Variants in ASIC5 observed in about 807,000 individuals in gnomAD.
The protein encoded by ASIC5 is acid sensing ion channel subunit family member 5, also known as bile acid-sensitive ion channel.
A neutral mutation model predicts 51.2 loss-of-function variants in ASIC5; 52 were observed. The ratio of observed to expected loss-of-function variants is 1.02; its 90% confidence interval spans 0.81 to 1.28. The LOEUF is 1.28. Ranked by LOEUF, ASIC5 falls within the 50% of genes most tolerant of loss-of-function variation. ASIC5 has a pLI of 0.00. For synonymous variants in ASIC5, 231 were observed against 200.7 expected, an observed-to-expected ratio of 1.15 and a Z score of -1.28; for missense variants, 635 against 595.0, an observed-to-expected ratio of 1.07 and a Z score of -0.70.
At chr4:155,832,782 G>GACCTCTC (rs1378926876) in intron 8 of ASIC5, among the ~76,000 whole-genome samples, 1 of 152,042 alleles carries the variant, frequency 6.6e-6, no homozygotes, top group Non-Finnish European at 1.5e-5. Context: ...GGACTCCTAT[G>GACCTCTC]ACCTCTCACC....
chr4:155,847,243 TG>T (rs1741272048), intron 4 of ASIC5, among the ~76,000 whole-genome samples: 1 of 152,134 alleles, frequency 6.6e-6, no homozygotes, highest in Non-Finnish European at 1.5e-5. Context: ...TAAAAATTTT[TG>T]TTTTCAAATT....
chr4:155,846,444 A>G (rs1021222603), intron 4 of ASIC5, among the ~76,000 whole-genome samples: 2 of 152,124 alleles, frequency 1.3e-5, no homozygotes, highest in Non-Finnish European at 1.5e-5. Flanking sequence ...CATAATTTCT[A>G]ATCTTGTGGC....
At chr4:155,847,210 T>A (rs529332714) in intron 4 of ASIC5, among the ~76,000 whole-genome samples, 1 of 152,128 alleles carries the variant, frequency 6.6e-6, no homozygotes, top group South Asian at 2.1e-4. Context: ...TAAGTGTTGG[T>A]TTGCTTAGGA....
Position 155,843,638 on chromosome 4 carries a change from G to T in ASIC5, c.861+43C>A, listed in dbSNP as rs775903830. 9 of 1,600,670 alleles carry T rather than the reference G, an allele frequency of 5.6e-6. No individual in the cohort carries two copies. The South Asian group carries it at 1.0e-4, about 18-fold the overall frequency. On this transcript the variant is annotated intron_variant, in intron 5 of 9. Coordinates refer to ENST00000537611, the MANE Select transcript of ASIC5 (RefSeq NM_017419.3). ...GAAAAGCATTACTTATGTGTTTGAT[G>T]CATTCACTACCCCACCTAATTTCCT...
chr4:155,866,240 T>G lies in ASIC5; in HGVS notation c.-14A>C. On this transcript the variant is annotated 5_prime_UTR_variant, in exon 1 of 10. Transcript: ENST00000537611. ...TGTCTGCTCCATTTGTGATTTCAGTTAAGCAAGAGTCCTCAGGGTAACCCA... is the reference window on the plus strand; with the variant it reads ...TGTCTGCTCCATTTGTGATTTCAGTGAAGCAAGAGTCCTCAGGGTAACCCA... 6 of 1,606,054 alleles carry G rather than the reference T, an allele frequency of 3.7e-6. No homozygotes were observed. Among genetic ancestry groups the G allele is most frequent in the Non-Finnish European group, 5.1e-6 (6 of 1,173,718 alleles).
At chr4:155,843,174 G>GT (rs1741159522) in intron 5 of ASIC5, among the ~76,000 whole-genome samples, 1 of 152,096 alleles carries the variant, frequency 6.6e-6, no homozygotes, top group African/African-American at 2.4e-5. Context: ...TCTATCAATG[G>GT]TAAGTGCTTT....
intron 2 of ASIC5, among the ~76,000 whole-genome samples, chr4:155,858,037 C>T (rs573633891): frequency 1.3e-5 from 2 of 152,156 alleles, no homozygotes; most frequent in Admixed American, 6.5e-5. Context: ...CATCAGTAGT[C>T]ACTACATCCA....
intron 4 of ASIC5, among the ~76,000 whole-genome samples, chr4:155,845,797 C>A (rs6812390): frequency 0.072 from 10,947 of 151,982 alleles, 1,026 homozygotes; most frequent in African/African-American, 0.22. Flanking sequence ...CTCTCTGTAC[C>A]TTATGATATA....
intron 2 of ASIC5, among the ~76,000 whole-genome samples, chr4:155,862,538 CCA>C (rs1403424348): frequency 6.6e-6 from 1 of 152,094 alleles, no homozygotes; most frequent in Middle Eastern, 3.2e-3. Context: ...TCATGCTTCA[CCA>C]CAGGCAATTA....
intron 2 of ASIC5, among the ~76,000 whole-genome samples, chr4:155,856,583 G>T (rs1395863335): frequency 6.6e-6 from 1 of 151,994 alleles, no homozygotes; most frequent in East Asian, 1.9e-4. Flanking sequence ...CTGTCATGGT[G>T]GTATTCTGTC....
intron 8 of ASIC5, among the ~76,000 whole-genome samples, chr4:155,832,666 C>A (rs896602075): frequency 5.3e-5 from 8 of 152,236 alleles, no homozygotes; most frequent in African/African-American, 1.9e-4. Flanking sequence ...TTAATACGTT[C>A]CAAGTCAAAT....
intron 8 of ASIC5, among the ~76,000 whole-genome samples, chr4:155,834,060 A>C (rs1740926581): frequency 6.6e-6 from 1 of 152,220 alleles, no homozygotes; most frequent in South Asian, 2.1e-4. Context: ...TACAATTTTT[A>C]TTTCAAAATT....
intron 6 of ASIC5, among the ~76,000 whole-genome samples, chr4:155,840,927 A>AC (rs2111236104): frequency 6.6e-6 from 1 of 151,470 alleles, no homozygotes; most frequent in Non-Finnish European, 1.5e-5. Context: ...TGGTTTTGTG[A>AC]CCCCTACCCA....
At chr4:155,863,250 G>GAAA (rs1741760372) in intron 2 of ASIC5, among the ~76,000 whole-genome samples, 198 bp downstream of exon 2, 1 of 151,976 alleles carries the variant, frequency 6.6e-6, no homozygotes, top group Admixed American at 6.6e-5. Flanking sequence ...AAGAAAAGAT[G>GAAA]GAAAATAAGT....
At chr4:155,851,746 T>G (rs539603608) in intron 4 of ASIC5, among the ~76,000 whole-genome samples, 1 of 152,152 alleles carries the variant, frequency 6.6e-6, no homozygotes, top group East Asian at 1.9e-4. Context: ...ATATTCTTTA[T>G]ATAACCATTA....
intron 2 of ASIC5, 125 bp from the exon 3 acceptor site, chr4:155,854,439 C>T: frequency 5.5e-6 from 4 of 720,938 alleles, no homozygotes; most frequent in South Asian, 1.9e-5. Flanking sequence ...ATTTGCAAGA[C>T]ATTTAAGCAA....
intron 9 of ASIC5, among the ~76,000 whole-genome samples, 198 bp from the exon 10 acceptor site, chr4:155,830,244 A>T (rs1740844928): frequency 6.6e-6 from 1 of 152,216 alleles, no homozygotes; most frequent in South Asian, 2.1e-4. Flanking sequence ...CATCATAAAA[A>T]GCAGAGAAGA....
intron 4 of ASIC5, among the ~76,000 whole-genome samples, chr4:155,851,643 T>A (rs538258205): frequency 1.3e-5 from 2 of 152,012 alleles, no homozygotes; most frequent in Non-Finnish European, 2.9e-5. Flanking sequence ...TCTTAGGTGT[T>A]TGAACATCTG....
chr4:155,857,219 G>A (rs1054154810), intron 2 of ASIC5, among the ~76,000 whole-genome samples: 1 of 151,992 alleles, frequency 6.6e-6, no homozygotes, highest in African/African-American at 2.4e-5. Flanking sequence ...GACCTTCTGG[G>A]CTCAAGCAAT....
Sources: gnomAD v4.1 joint callset for allele counts (sites outside exome capture counted in the v4.1 genomes callset) on GRCh38, gnomAD v4.1.1 for gene constraint, MANE v1.5 for transcripts, NCBI Gene and HGNC (gene_info 2026-07-23, HGNC 2026-07-21) for gene names.